Variants in SH3RF3 observed in about 807,000 individuals in gnomAD.
SH3RF3 encodes E3 ubiquitin-protein ligase SH3RF3.
A neutral mutation model predicts 66.3 loss-of-function variants in SH3RF3; 29 were observed. The observed-to-expected ratio is 0.44, with a 90% CI of 0.33 to 0.60. The LOEUF (loss-of-function observed/expected upper bound fraction) is 0.60, where lower values mean the gene tolerates loss of function less well. Ranked by LOEUF, SH3RF3 falls within the 20% of genes least tolerant of loss-of-function variation. SH3RF3 has a pLI of 0.04. For synonymous variants in SH3RF3, 583 were observed against 532.0 expected (o/e 1.10, Z -1.32); for missense variants, 1,194 against 1,190.9 (o/e 1.00, Z -0.04).
chr2:109,287,210 T>C (rs564280419), intron 1 of SH3RF3, among the ~76,000 whole-genome samples: 4 of 152,326 alleles, frequency 2.6e-5, no homozygotes, highest in African/African-American at 9.6e-5. Flanking sequence ...TTTTAAATTT[T>C]TCCAAGGGAC....
chr2:109,486,401 G>A (rs969183945), intron 8 of SH3RF3, among the ~76,000 whole-genome samples: 4 of 152,190 alleles, frequency 2.6e-5, no homozygotes, highest in African/African-American at 9.7e-5. Context: ...CAAGGCAGGT[G>A]GAGGTCTTGG....
chr2:109,451,585 C>G (rs1300172570), intron 8 of SH3RF3, among the ~76,000 whole-genome samples: 1 of 152,218 alleles, frequency 6.6e-6, no homozygotes, highest in African/African-American at 2.4e-5. Context: ...CCATCACCCA[C>G]CTAAGTGTGA....
rs1049217086 is a variant in SH3RF3, at chr2:109,436,887, C to T, written c.1575-6C>T. 1 of 1,612,390 alleles carries T rather than the reference C, an allele frequency of 6.2e-7. No homozygotes were observed. On this transcript the variant is annotated splice_region_variant and splice_polypyrimidine_tract_variant and intron_variant, in intron 6 of 9. Coordinates refer to ENST00000309415, the MANE Select transcript of SH3RF3 (RefSeq NM_001099289.3). ...CATCAGAATTCCTTCTGCTTTCTCTCCACAGGGTGCCTGCAGGAGGGGCAG... is the reference window on the plus strand; with the variant it reads ...CATCAGAATTCCTTCTGCTTTCTCTTCACAGGGTGCCTGCAGGAGGGGCAG...
intron 4 of SH3RF3, among the ~76,000 whole-genome samples, chr2:109,414,916 A>G (rs923389171): frequency 6.6e-6 from 1 of 152,328 alleles, no homozygotes; most frequent in Admixed American, 6.5e-5. Flanking sequence ...GAACCTGAGA[A>G]TGTGTCACCT....
At chr2:109,418,847 A>C (rs1676794999) in intron 4 of SH3RF3, among the ~76,000 whole-genome samples, 2 of 152,128 alleles carry the variant, frequency 1.3e-5, no homozygotes, top group African/African-American at 4.8e-5. Flanking sequence ...ACCTGGGGGC[A>C]GTGCTGCCCT....
At chr2:109,235,309 C>G (rs72952051) in intron 1 of SH3RF3, among the ~76,000 whole-genome samples, 1 of 152,174 alleles carries the variant, frequency 6.6e-6, no homozygotes, top group Non-Finnish European at 1.5e-5. Flanking sequence ...CTCCCCTCCC[C>G]CTTCCTACCT....
intron 1 of SH3RF3, among the ~76,000 whole-genome samples, chr2:109,260,032 T>A (rs895800404): frequency 1.9e-4 from 29 of 152,184 alleles, no homozygotes; most frequent in Non-Finnish European, 4.1e-4. Flanking sequence ...GTAATTGTAA[T>A]TTTTTTGGTG....
intron 3 of SH3RF3, among the ~76,000 whole-genome samples, chr2:109,384,731 C>A (rs1675779346): frequency 6.6e-6 from 1 of 152,154 alleles, no homozygotes; most frequent in Non-Finnish European, 1.5e-5. Context: ...GTGTAAAATG[C>A]ATGTGGAGGG....
chr2:109,455,944 C>T (rs1678041627), intron 8 of SH3RF3, among the ~76,000 whole-genome samples: 2 of 152,346 alleles, frequency 1.3e-5, no homozygotes, highest in South Asian at 4.1e-4. Context: ...GATCTGACCT[C>T]ACCCAGAACT....
intron 1 of SH3RF3, among the ~76,000 whole-genome samples, chr2:109,339,042 C>T (rs1173973663): frequency 6.6e-6 from 1 of 152,156 alleles, no homozygotes; most frequent in Non-Finnish European, 1.5e-5. Flanking sequence ...AATGTATTTA[C>T]TACTCATTAA....
At chr2:109,162,380 G>A (rs573253985) in intron 1 of SH3RF3, among the ~76,000 whole-genome samples, 2 of 151,962 alleles carry the variant, frequency 1.3e-5, no homozygotes. Flanking sequence ...CCCTCTTAGG[G>A]CTCCTCAACC....
intron 1 of SH3RF3, among the ~76,000 whole-genome samples, chr2:109,346,060 T>A (rs1212838559): frequency 6.6e-6 from 1 of 152,264 alleles, no homozygotes; most frequent in African/African-American, 2.4e-5. Context: ...CCATTTTTTC[T>A]GATCACAGTG....
At chr2:109,203,952 A>G (rs1678747167) in intron 1 of SH3RF3, among the ~76,000 whole-genome samples, 3 of 152,326 alleles carry the variant, frequency 2.0e-5, no homozygotes, top group Admixed American at 6.5e-5. Flanking sequence ...CCAGCAGAGC[A>G]TCTGCACGGT....
chr2:109,360,610 A>G (rs1321118103), intron 2 of SH3RF3, among the ~76,000 whole-genome samples: 1 of 152,230 alleles, frequency 6.6e-6, no homozygotes, highest in African/African-American at 2.4e-5. Context: ...CAAGCATTTC[A>G]AATAAAAGAT....
intron 5 of SH3RF3, among the ~76,000 whole-genome samples, chr2:109,420,705 T>A (rs1676854887): frequency 6.6e-6 from 1 of 152,072 alleles, no homozygotes; most frequent in African/African-American, 2.4e-5. Context: ...TTGGCCTCCC[T>A]AAATGCTGGG....
chr2:109,256,660 C>T (rs779890888), intron 1 of SH3RF3, among the ~76,000 whole-genome samples: 71 of 152,138 alleles, frequency 4.7e-4, no homozygotes, highest in Non-Finnish European at 9.0e-4. Flanking sequence ...CCCTAGTCTT[C>T]GTGGTCTAAG....
At chr2:109,485,534 G>A (rs1678945558) in intron 8 of SH3RF3, among the ~76,000 whole-genome samples, 1 of 152,176 alleles carries the variant, frequency 6.6e-6, no homozygotes, top group South Asian at 2.1e-4. Context: ...CCCTAGAGGA[G>A]CCCCCATCTT....
intron 1 of SH3RF3, among the ~76,000 whole-genome samples, chr2:109,134,781 C>T (rs774934324): frequency 6.6e-6 from 1 of 152,222 alleles, no homozygotes; most frequent in Non-Finnish European, 1.5e-5. Flanking sequence ...GCCACCCCTT[C>T]CATTCACCGT....
intron 1 of SH3RF3, among the ~76,000 whole-genome samples, chr2:109,319,203 T>C (rs1681959989): frequency 6.6e-6 from 1 of 152,226 alleles, no homozygotes; most frequent in South Asian, 2.1e-4. Context: ...ATATGCCAGA[T>C]AGTGACAGTG....
Sources: allele counts gnomAD v4.1 joint callset (sites outside exome capture counted in the v4.1 genomes callset), GRCh38; gene constraint gnomAD v4.1.1; transcripts MANE v1.5; gene names NCBI Gene and HGNC (gene_info 2026-07-23, HGNC 2026-07-21).